Variants in CNTNAP2 observed in about 807,000 individuals in gnomAD.
CNTNAP2 encodes the protein contactin associated protein 2.
A neutral mutation model predicts 155.2 loss-of-function variants in CNTNAP2; 98 were observed. The ratio of observed to expected loss-of-function variants is 0.63; its 90% CI spans 0.54 to 0.75. The LOEUF (loss-of-function observed/expected upper bound fraction) is 0.75, where lower values mean the gene tolerates loss of function less well. Among genes scored for constraint, CNTNAP2 ranks in the 30% least tolerant of loss-of-function variants. CNTNAP2 has a pLI of 0.00. For synonymous variants in CNTNAP2, 651 were observed against 631.2 expected (o/e 1.03, Z -0.47); for missense variants, 1,727 against 1,688.1 (o/e 1.02, Z -0.40).
intron 22 of CNTNAP2, among the ~76,000 whole-genome samples, chr7:148,401,382 ACAAT>A (rs1799578670): frequency 6.6e-6 from 1 of 152,230 alleles, no homozygotes; most frequent in African/African-American, 2.4e-5. Context: ...GCCAGCTGTC[ACAAT>A]CAATACTTTA....
chr7:147,291,144 T>C (rs1805300094), intron 8 of CNTNAP2, among the ~76,000 whole-genome samples: 1 of 151,546 alleles, frequency 6.6e-6, no homozygotes, highest in Non-Finnish European at 1.5e-5. Flanking sequence ...AGCTTGATTT[T>C]TTTATTCTTT....
At chr7:147,817,691 C>G (rs915280496) in intron 13 of CNTNAP2, among the ~76,000 whole-genome samples, 1 of 151,944 alleles carries the variant, frequency 6.6e-6, no homozygotes, top group African/African-American at 2.4e-5. Context: ...ATCACAAGGT[C>G]AGGAGATCGA....
chr7:148,246,022 A>G (rs1265838799), intron 20 of CNTNAP2, among the ~76,000 whole-genome samples: 1 of 152,208 alleles, frequency 6.6e-6, no homozygotes, highest in African/African-American at 2.4e-5. Flanking sequence ...CTTTCCATAA[A>G]CTGGCAGAAC....
intron 1 of CNTNAP2, among the ~76,000 whole-genome samples, chr7:146,700,203 G>C (rs1800852053): frequency 6.6e-6 from 1 of 151,990 alleles, no homozygotes; most frequent in Non-Finnish European, 1.5e-5. Context: ...TATCCCTTCA[G>C]TTTTCTGGTT....
At chr7:147,702,915 T>C (rs1222872799) in intron 13 of CNTNAP2, among the ~76,000 whole-genome samples, 2 of 152,182 alleles carry the variant, frequency 1.3e-5, no homozygotes, top group African/African-American at 4.8e-5. Context: ...CTTGTAGCAA[T>C]GAAACTAACA....
At chr7:147,971,962 AC>A (rs926606763) in intron 14 of CNTNAP2, among the ~76,000 whole-genome samples, 19 of 151,930 alleles carry the variant, frequency 1.3e-4, no homozygotes, top group Admixed American at 3.3e-4. Flanking sequence ...TTTACAGCCC[AC>A]CCCCCGAGCA....
intron 21 of CNTNAP2, among the ~76,000 whole-genome samples, chr7:148,283,309 A>AAAGAAAGAAAGAAAGAG (rs1563024798): frequency 1.4e-5 from 1 of 73,422 alleles, no homozygotes; most frequent in Non-Finnish European, 2.7e-5. Context: ...GAAAGAAAGG[A>AAAGAAAGAAAGAAAGAG]AGGAAGGAAG....
intron 14 of CNTNAP2, among the ~76,000 whole-genome samples, chr7:147,925,199 G>T (rs933844936): frequency 2.7e-5 from 4 of 149,422 alleles, no homozygotes; most frequent in African/African-American, 1.0e-4. Flanking sequence ...AGGAAGGAAG[G>T]AAGGAAGGAA....
chr7:146,500,241 G>A (rs1797281467), intron 1 of CNTNAP2, among the ~76,000 whole-genome samples: 1 of 142,544 alleles, frequency 7.0e-6, no homozygotes, highest in African/African-American at 3.0e-5. Context: ...CAGGGGTTCG[G>A]GCTAGGTCCT....
At chr7:147,947,754 GCCTTTAATTT>G (rs1225983951) in intron 14 of CNTNAP2, among the ~76,000 whole-genome samples, 5 of 152,132 alleles carry the variant, frequency 3.3e-5, no homozygotes, top group Non-Finnish European at 7.4e-5. Context: ...TATTTCTGAT[GCCTTTAATTT>G]CCTTTAATTC....
chr7:148,312,064 G>A (rs1797604952), intron 21 of CNTNAP2, among the ~76,000 whole-genome samples: 1 of 152,192 alleles, frequency 6.6e-6, no homozygotes, highest in South Asian at 2.1e-4. Flanking sequence ...TATGAGAACT[G>A]TAGACAGTGA....
At chr7:147,166,532 C>A (rs541069862) in intron 8 of CNTNAP2, among the ~76,000 whole-genome samples, 1 of 152,182 alleles carries the variant, frequency 6.6e-6, no homozygotes, top group East Asian at 1.9e-4. Flanking sequence ...TCCCCAAAAA[C>A]CTGTGGAAAT....
intron 1 of CNTNAP2, among the ~76,000 whole-genome samples, chr7:146,630,059 G>T (rs966417786): frequency 6.6e-6 from 1 of 151,680 alleles, no homozygotes. Context: ...GTGGTTTGCT[G>T]CACCTATCAA....
At chr7:146,505,419 G>A (rs748690515) in intron 1 of CNTNAP2, among the ~76,000 whole-genome samples, 5 of 152,194 alleles carry the variant, frequency 3.3e-5, no homozygotes, top group Non-Finnish European at 7.3e-5. Flanking sequence ...AACTGCAAAG[G>A]ACTTCTGCCC....
At chr7:146,505,206 C>T (rs2129134037) in intron 1 of CNTNAP2, among the ~76,000 whole-genome samples, 1 of 152,292 alleles carries the variant, frequency 6.6e-6, no homozygotes, top group Admixed American at 6.5e-5. Flanking sequence ...GGCAAGACAT[C>T]CCCTGCTGCT....
At chr7:146,953,887 A>T (rs530690085) in intron 3 of CNTNAP2, among the ~76,000 whole-genome samples, 1 of 152,098 alleles carries the variant, frequency 6.6e-6, no homozygotes, top group African/African-American at 2.4e-5. Context: ...GTAAAAAAAT[A>T]TTTATTCTGT....
chr7:148,054,406 C>G (rs922994477), intron 15 of CNTNAP2, among the ~76,000 whole-genome samples: 1 of 146,230 alleles, frequency 6.8e-6, no homozygotes, highest in Admixed American at 6.8e-5. Flanking sequence ...CTAGACTATA[C>G]AGTCCTTAAA....
Position 148,419,692 on chromosome 7 carries a change from C to T in CNTNAP2, c.*4076C>T, listed in dbSNP as rs563487973. On this transcript the variant is annotated 3_prime_UTR_variant, in exon 24 of 24. Transcript: ENST00000361727. ...CTCCTGACCTCAAGTGATCCGTCCA[C>T]CTCGGCCTTGCAAATTGCTGGGATT... The T allele has an allele frequency of 4.7e-4, 71 of 152,032 alleles. No individual in the cohort carries two copies. Among genetic ancestry groups the T allele is most frequent in the African/African-American group, 1.7e-3 (71 of 41,432 alleles). 9.4% of individuals were successfully genotyped at this position (152,032 alleles called of 1,614,324 possible).
At chr7:147,394,475 T>G (rs1796775793) in intron 9 of CNTNAP2, among the ~76,000 whole-genome samples, 1 of 152,004 alleles carries the variant, frequency 6.6e-6, no homozygotes, top group African/African-American at 2.4e-5. Flanking sequence ...TTAGATGAAG[T>G]GAATGTGTCA....
Sources: allele counts gnomAD v4.1 joint callset (sites outside exome capture counted in the v4.1 genomes callset), GRCh38; gene constraint gnomAD v4.1.1; transcripts MANE v1.5; gene names NCBI Gene and HGNC (gene_info 2026-07-23, HGNC 2026-07-21).